The following ARNT2 variants were observed in gnomAD, a reference collection of about 807,000 sequenced individuals.
The protein encoded by ARNT2 is aryl hydrocarbon receptor nuclear translocator 2.
A neutral mutation model predicts 91.7 loss-of-function variants in ARNT2; 36 were observed. That is an observed-to-expected ratio of 0.39 (90% confidence interval 0.30 to 0.52). ARNT2 has a LOEUF of 0.52. Among genes scored for constraint, ARNT2 ranks in the 20% least tolerant of loss-of-function variants. The pLI, the probability that ARNT2 is intolerant of heterozygous loss-of-function variation, is 0.72. For missense variants in ARNT2, 775 were observed against 939.3 expected, an observed-to-expected ratio of 0.83 and a Z score of 2.29; for synonymous variants, 365 against 347.1, an observed-to-expected ratio of 1.05 and a Z score of -0.57.
chr15:80,453,423 G>A (rs1281756958), intron 2 of ARNT2, among the ~76,000 whole-genome samples: 2 of 152,176 alleles, frequency 1.3e-5, no homozygotes, highest in Non-Finnish European at 2.9e-5. Flanking sequence ...AAGCCTCAAT[G>A]GCTTAGAGAT....
At chr15:80,418,012 A>G (rs1172578530) in intron 1 of ARNT2, among the ~76,000 whole-genome samples, 2 of 152,188 alleles carry the variant, frequency 1.3e-5, no homozygotes, top group East Asian at 1.9e-4. Context: ...ATATTTACCA[A>G]TGTTTGGGAT....
At chr15:80,544,699 C>T (rs1039178544) in intron 8 of ARNT2, among the ~76,000 whole-genome samples, 2 of 152,120 alleles carry the variant, frequency 1.3e-5, no homozygotes. Flanking sequence ...AATGATCACA[C>T]CTAAAGTACT....
intron 2 of ARNT2, 143 bp from the exon 3 acceptor site, chr15:80,457,786 G>C (rs1896500740): frequency 2.5e-6 from 2 of 794,794 alleles, no homozygotes; most frequent in Non-Finnish European, 2.0e-6. Flanking sequence ...ACTGTGTAGA[G>C]ATATTGCTTG....
At chr15:80,577,613 C>T (rs1210251040) in intron 15 of ARNT2, among the ~76,000 whole-genome samples, 1 of 152,224 alleles carries the variant, frequency 6.6e-6, no homozygotes, top group Non-Finnish European at 1.5e-5. Flanking sequence ...GCCCACCAGA[C>T]ACCCTAAAGT....
At chr15:80,587,035 T>C (rs1384258370) in intron 17 of ARNT2, among the ~76,000 whole-genome samples, 1 of 152,034 alleles carries the variant, frequency 6.6e-6, no homozygotes, top group Non-Finnish European at 1.5e-5. Context: ...GTCCCGGACA[T>C]TTTTACCAGT....
At chr15:80,488,680 A>G (rs1158221664) in intron 5 of ARNT2, 6 of 152,168 alleles carry the variant, frequency 3.9e-5, no homozygotes, top group Admixed American at 1.3e-4. Context: ...CTGCTCCCCA[A>G]TGCGACCCCT....
chr15:80,509,572 A>G (rs1408775386), intron 6 of ARNT2, among the ~76,000 whole-genome samples: 1 of 152,182 alleles, frequency 6.6e-6, no homozygotes, highest in African/African-American at 2.4e-5. Context: ...GGAACATCAG[A>G]TGGTGGTGAG....
At chr15:80,481,140 C>A (rs1174841491) in intron 5 of ARNT2, among the ~76,000 whole-genome samples, 1 of 152,206 alleles carries the variant, frequency 6.6e-6, no homozygotes, top group Non-Finnish European at 1.5e-5. Context: ...TGTGATTAAG[C>A]TTTCCTATCT....
chr15:80,508,002 C>G (rs912141163), intron 5 of ARNT2, among the ~76,000 whole-genome samples, 154 bp from the exon 6 acceptor site: 12 of 152,150 alleles, frequency 7.9e-5, no homozygotes. Context: ...AGTTTCTTGC[C>G]AAAGAATGTT....
chr15:80,417,574 C>T (rs1327200919), intron 1 of ARNT2, among the ~76,000 whole-genome samples: 1 of 151,478 alleles, frequency 6.6e-6, no homozygotes, highest in Non-Finnish European at 1.5e-5. Context: ...TCCTTCTCCC[C>T]TCCCTTCCTC....
At chr15:80,455,994 G>A (rs781303430) in intron 2 of ARNT2, among the ~76,000 whole-genome samples, 69 of 152,162 alleles carry the variant, frequency 4.5e-4, no homozygotes, top group Non-Finnish European at 8.4e-4. Flanking sequence ...ACACTAGGTG[G>A]CAGCGTGGTT....
At chr15:80,545,265 C>T (rs1260117827) in intron 8 of ARNT2, among the ~76,000 whole-genome samples, 1 of 152,196 alleles carries the variant, frequency 6.6e-6, no homozygotes, top group African/African-American at 2.4e-5. Flanking sequence ...CTGCCCAGCC[C>T]AACTCATCAT....
chr15:80,441,620 T>A (rs1396929184), intron 1 of ARNT2, among the ~76,000 whole-genome samples: 4 of 152,248 alleles, frequency 2.6e-5, no homozygotes, highest in African/African-American at 9.6e-5. Context: ...TTTTTCTTAC[T>A]TGGATTCACA....
chr15:80,480,628 TC>T (rs1328593426), intron 5 of ARNT2, among the ~76,000 whole-genome samples: 1 of 152,180 alleles, frequency 6.6e-6, no homozygotes, highest in Non-Finnish European at 1.5e-5. Flanking sequence ...GCTGGACTCT[TC>T]CTGCATTCAG....
At chr15:80,449,479 A>C (rs1291642686) in intron 1 of ARNT2, among the ~76,000 whole-genome samples, 2 of 152,140 alleles carry the variant, frequency 1.3e-5, no homozygotes, top group Admixed American at 1.3e-4. Flanking sequence ...CAGTTGTCTA[A>C]AGGGGAGAGA....
chr15:80,479,180 C>T (rs1049819866), intron 5 of ARNT2, among the ~76,000 whole-genome samples: 2 of 152,198 alleles, frequency 1.3e-5, no homozygotes, highest in African/African-American at 4.8e-5. Context: ...AGAAACCTGA[C>T]TTCACTGGGG....
chr15:80,470,509 ACCAGGG>A, intron 4 of ARNT2, 78 bp downstream of exon 4: 1 of 1,481,822 alleles, frequency 6.7e-7, no homozygotes, highest in South Asian at 1.2e-5. Flanking sequence ...TACGTGGGGA[ACCAGGG>A]CTCAAGGTTG....
intron 3 of ARNT2, among the ~76,000 whole-genome samples, chr15:80,463,787 C>T (rs1896602292): frequency 6.6e-6 from 1 of 152,050 alleles, no homozygotes; most frequent in Admixed American, 6.5e-5. Context: ...ACCATGTTGG[C>T]CAGGCTGGCC....
intron 1 of ARNT2, among the ~76,000 whole-genome samples, chr15:80,424,154 C>T (rs1895901374): frequency 6.6e-6 from 1 of 152,128 alleles, no homozygotes; most frequent in Non-Finnish European, 1.5e-5. Flanking sequence ...CTATGACTGA[C>T]CAGATCTGGG....
Sources: allele counts gnomAD v4.1 joint callset (sites outside exome capture counted in the v4.1 genomes callset), GRCh38; gene constraint gnomAD v4.1.1; transcripts MANE v1.5; gene names NCBI Gene and HGNC (gene_info 2026-07-23, HGNC 2026-07-21).